The following CLPB variants were observed in gnomAD, a reference collection of about 807,000 sequenced individuals.
CLPB encodes ClpB family mitochondrial disaggregase.
In CLPB, 40 loss-of-function variants were observed where a neutral mutation model predicts 78.4. The observed-to-expected ratio is 0.51, with a 90% CI of 0.40 to 0.66. The LOEUF (loss-of-function observed/expected upper bound fraction) is 0.66, where lower values mean the gene tolerates loss of function less well. Ranked by LOEUF, CLPB falls within the 30% of genes least tolerant of loss-of-function variation. The pLI is 0.00. For synonymous variants in CLPB, 333 were observed against 348.0 expected, an observed-to-expected ratio of 0.96 and a Z score of 0.48; for missense variants, 780 against 886.9, an observed-to-expected ratio of 0.88 and a Z score of 1.53.
At chr11:72,375,351 G>C (rs1854657471) in intron 4 of CLPB, among the ~76,000 whole-genome samples, 1 of 152,136 alleles carries the variant, frequency 6.6e-6, no homozygotes, top group South Asian at 2.1e-4. Context: ...TGCCTTACAA[G>C]GTCCTTCCTA....
At chr11:72,370,204 A>G (rs1338457663) in intron 4 of CLPB, among the ~76,000 whole-genome samples, 1 of 152,244 alleles carries the variant, frequency 6.6e-6, no homozygotes, top group Non-Finnish European at 1.5e-5. Flanking sequence ...GTTAAAAATC[A>G]TAAGACTAGT....
At chr11:72,303,000 A>C (rs534681053) in intron 9 of CLPB, 8 of 152,852 alleles carry the variant, frequency 5.2e-5, no homozygotes, top group Admixed American at 2.6e-4. Flanking sequence ...CACAGGGTGT[A>C]GGGGTGATTT....
chr11:72,302,356 G>A lies in CLPB; in HGVS notation c.1123-8C>T, dbSNP rs751189600. ...GTCCAGCCTGATGAAGCCCTGTGTGGAAACAAGCAAGTACCAACTCCGTTT... is the reference window on the plus strand; with the variant it reads ...GTCCAGCCTGATGAAGCCCTGTGTGAAAACAAGCAAGTACCAACTCCGTTT... On this transcript the variant is annotated splice_polypyrimidine_tract_variant and splice_region_variant and intron_variant, in intron 9 of 15. Transcript: ENST00000538039. The A allele has an allele frequency of 6.2e-7, 1 of 1,614,120 alleles. No individual in the cohort carries two copies. The highest frequency in any genetic ancestry group is 1.1e-5 in the South Asian group (1 of 91,072).
intron 12 of CLPB, among the ~76,000 whole-genome samples, chr11:72,295,060 TC>T (rs1434024216): frequency 6.6e-6 from 1 of 152,180 alleles, no homozygotes; most frequent in Non-Finnish European, 1.5e-5. Context: ...CTCCTTTTTT[TC>T]AGCACTCTCC....
At chr11:72,366,169 T>C (rs1038625430) in intron 4 of CLPB, among the ~76,000 whole-genome samples, 3 of 152,178 alleles carry the variant, frequency 2.0e-5, no homozygotes, top group African/African-American at 7.2e-5. Context: ...CATCTGACAC[T>C]GGTCTAATAT....
intron 2 of CLPB, among the ~76,000 whole-genome samples, chr11:72,413,211 C>G (rs370846887): frequency 6.6e-6 from 1 of 152,086 alleles, no homozygotes; most frequent in Non-Finnish European, 1.5e-5. Context: ...ATCGCTTGAA[C>G]CCTGGAGGCG....
intron 5 of CLPB, among the ~76,000 whole-genome samples, chr11:72,336,408 G>A (rs1950323136): frequency 6.6e-6 from 1 of 152,156 alleles, no homozygotes; most frequent in Non-Finnish European, 1.5e-5. Context: ...AGAGCACTGG[G>A]CTGGGGAGCC....
At chr11:72,428,185 G>A (rs1223962488) in intron 2 of CLPB, among the ~76,000 whole-genome samples, 10 of 152,194 alleles carry the variant, frequency 6.6e-5, no homozygotes, top group Non-Finnish European at 8.8e-5. Flanking sequence ...ATCAAGAGCT[G>A]CTTTGGGTGA....
intron 2 of CLPB, among the ~76,000 whole-genome samples, chr11:72,419,285 T>A (rs1264167316): frequency 6.6e-6 from 1 of 152,212 alleles, no homozygotes; most frequent in African/African-American, 2.4e-5. Flanking sequence ...TTGGGCGACA[T>A]AAATGATGGT....
chr11:72,324,372 A>C (rs902067957), intron 6 of CLPB, among the ~76,000 whole-genome samples: 2 of 152,180 alleles, frequency 1.3e-5, no homozygotes, highest in Non-Finnish European at 2.9e-5. Flanking sequence ...GTTTGAGACC[A>C]GCCTGGCCAA....
intron 6 of CLPB, among the ~76,000 whole-genome samples, chr11:72,321,948 G>A (rs1252423342): frequency 6.6e-6 from 1 of 151,758 alleles, no homozygotes; most frequent in Non-Finnish European, 1.5e-5. Flanking sequence ...AAGGGAACAA[G>A]GGGGTAACAG....
At chr11:72,372,031 T>C (rs1951051774) in intron 4 of CLPB, among the ~76,000 whole-genome samples, 1 of 152,240 alleles carries the variant, frequency 6.6e-6, no homozygotes, top group African/African-American at 2.4e-5. Context: ...TCGTAAGTAC[T>C]CCAATTTGGG....
intron 5 of CLPB, among the ~76,000 whole-genome samples, chr11:72,358,246 A>T (rs1165733045): frequency 6.6e-6 from 1 of 152,234 alleles, no homozygotes; most frequent in East Asian, 1.9e-4. Context: ...CTAAGTGCCA[A>T]GTACTATAGT....
chr11:72,425,524 G>A (rs981628791), intron 2 of CLPB, among the ~76,000 whole-genome samples: 2 of 152,050 alleles, frequency 1.3e-5, no homozygotes, highest in African/African-American at 4.8e-5. Flanking sequence ...GAGGGCACAC[G>A]AGCTCCTCTA....
chr11:72,302,157 C>A (rs1949667645), intron 10 of CLPB, 147 bp downstream of exon 10: 1 of 987,550 alleles, frequency 1.0e-6, no homozygotes, highest in Middle Eastern at 2.9e-4. Context: ...CTATGTGAAA[C>A]AAATCAGTGA....
At chr11:72,414,851 A>G (rs1469321568) in intron 2 of CLPB, among the ~76,000 whole-genome samples, 1 of 152,206 alleles carries the variant, frequency 6.6e-6, no homozygotes, top group Non-Finnish European at 1.5e-5. Context: ...CGCAACAGAT[A>G]CTTGACATTT....
intron 5 of CLPB, among the ~76,000 whole-genome samples, chr11:72,347,301 T>C (rs1215664140): frequency 2.0e-5 from 3 of 152,084 alleles, no homozygotes; most frequent in African/African-American, 7.2e-5. Context: ...TACAAAATTA[T>C]TTTTTTAACA....
chr11:72,307,796 C>A (rs1022959345), intron 8 of CLPB, among the ~76,000 whole-genome samples: 1 of 151,998 alleles, frequency 6.6e-6, no homozygotes, highest in Non-Finnish European at 1.5e-5. Flanking sequence ...TGGATGGTAA[C>A]CTTTGGAAGT....
chr11:72,404,787 A>G (rs1279190105), intron 2 of CLPB, among the ~76,000 whole-genome samples: 1 of 152,190 alleles, frequency 6.6e-6, no homozygotes, highest in African/African-American at 2.4e-5. Context: ...CTGGGGTACA[A>G]CATGTGAGGG....
Sources: gnomAD v4.1 joint callset for allele counts (sites outside exome capture counted in the v4.1 genomes callset) on GRCh38, gnomAD v4.1.1 for gene constraint, MANE v1.5 for transcripts, NCBI Gene and HGNC (gene_info 2026-07-23, HGNC 2026-07-21) for gene names.